EPS8L2: variants seen among roughly 807,000 people sequenced by gnomAD.
The protein encoded by EPS8L2 is epidermal growth factor receptor kinase substrate 8-like protein 2.
In EPS8L2, 81 loss-of-function variants were observed where a neutral mutation model predicts 99.4. That is an observed-to-expected ratio of 0.82 (90% confidence interval 0.68 to 0.98). The LOEUF (loss-of-function observed/expected upper bound fraction) is 0.98. EPS8L2 is among the 50% of genes least tolerant of loss of function. EPS8L2 has a pLI of 0.00. For missense variants in EPS8L2, 1,155 were observed against 968.8 expected (o/e 1.19, Z -2.55); for synonymous variants, 509 against 407.3 (o/e 1.25, Z -3.01).
At position 724,212 on chromosome 11, in the gene EPS8L2, A is replaced by T. The variant is rs1590056644; in HGVS notation, c.1455-512A>T. 6.6e-6 allele frequency among the ~76,000 whole-genome samples: 1 copy of T among 151,742 alleles called. No homozygotes were observed. Among genetic ancestry groups the T allele is most frequent in the African/African-American group, 2.4e-5 (1 of 41,274 alleles). On this transcript the variant is annotated intron_variant, in intron 15 of 20. Transcript: ENST00000318562. The surrounding 1 kb of genome is among the most constrained non-coding windows in gnomAD (Gnocchi z 5.5). Reference sequence around the variant, plus strand: ...AGGCCTGCTACATGCCAAAGCCAGGACCCCTCAGCCAGGGCCAGCCCCCCC... The same window carrying T: ...AGGCCTGCTACATGCCAAAGCCAGGTCCCCTCAGCCAGGGCCAGCCCCCCC...
At chr11:706,495 AGCCCGGCCTGCCCCCGTCGGTCCTGG>A (rs1376715162) in intron 1 of EPS8L2, 2 of 152,370 alleles carry the variant, frequency 1.3e-5, no homozygotes, top group Admixed American at 1.3e-4. Flanking sequence ...GTCCTGCTGC[AGCCCGGCCTGCCCCCGTCGGTCCTGG>A]GCGGCGGCCG....
At chr11:710,127 C>T (rs910853642) in intron 3 of EPS8L2, 12 of 432,648 alleles carry the variant, frequency 2.8e-5, no homozygotes, top group African/African-American at 1.8e-4. Context: ...CCTTCCTGTC[C>T]CCTCACCCTC....
At chr11:708,822 G>A in intron 1 of EPS8L2, 1 of 164,310 alleles carries the variant, frequency 6.1e-6, no homozygotes, top group Non-Finnish European at 1.3e-5. Flanking sequence ...TGGGGTGCAG[G>A]CCTGGGGTGG....
In EPS8L2 at chr11:722,514, G is replaced by T; in HGVS notation, c.1173G>T (p.Leu391=). The T allele has an allele frequency of 6.2e-7, 1 of 1,613,330 alleles. No homozygotes were observed. The highest frequency in any genetic ancestry group is 8.5e-7 in the Non-Finnish European group (1 of 1,179,904). The change falls in exon 13 of 21, where the codon CTG becomes CTT. Residue 391 remains leucine (L), a synonymous_variant. Transcript: ENST00000318562. ...RGHLVPKEMS[L]WESLGESWMR... Reference sequence around the variant, plus strand: ...ACCTGGTCCCTAAGGAGATGTCGCTGTGGGAGTCACTGGGAGAGAGCTGGA... The same window carrying T: ...ACCTGGTCCCTAAGGAGATGTCGCTTTGGGAGTCACTGGGAGAGAGCTGGA...
rs780440827 is a variant in EPS8L2 at position 720,599 on chromosome 11, G to A, written c.330G>A (p.Glu110=). ...GTGTCCGCGCGATGTACCCGCAGGAGGAGCTGGAAGACTTCCCGCTGCCCA... is the reference window on the plus strand; with the variant it reads ...GTGTCCGCGCGATGTACCCGCAGGAAGAGCTGGAAGACTTCCCGCTGCCCA... ...SLRLLDIESQ[E]ELEDFPLPTV... The change falls in exon 6 of 21, where the codon GAG becomes GAA. Residue 110 remains glutamate, a splice_region_variant and synonymous_variant. Coordinates refer to ENST00000318562, the MANE Select transcript of EPS8L2 (RefSeq NM_022772.4). 7 of 1,599,634 alleles carry A rather than the reference G, an allele frequency of 4.4e-6. 1 individual carries two copies. In the South Asian group the frequency reaches 5.6e-5, roughly 13 times the overall value.
rs141487079 is a variant in EPS8L2, at chr11:723,309, C to G, written c.1410C>G (p.Pro470=). The change falls in exon 15 of 21, where the codon CCC becomes CCG. Residue 470 remains proline, a synonymous_variant. Transcript: ENST00000318562. ...QKHSPTSEPT[P]PGDALPPVSS... is the part of the protein sequence containing the mutation. ...ACAGCCCCACTTCAGAGCCCACCCC[C>G]CCGGGGGATGCCCTACCACCAGTCA... 25 of 1,601,100 alleles carry G rather than the reference C, an allele frequency of 1.6e-5. No individual in the cohort carries two copies. Among genetic ancestry groups the G allele is most frequent in the South Asian group, 5.6e-5 (5 of 89,538 alleles).
intron 3 of EPS8L2, chr11:710,207 C>T (rs909985277): frequency 5.5e-5 from 31 of 561,344 alleles, no homozygotes; most frequent in African/African-American, 4.2e-4. Flanking sequence ...TCGCCTTCTC[C>T]GAGCTGCGTC....
chr11:716,095 C>T (rs1241915390), intron 4 of EPS8L2, among the ~76,000 whole-genome samples: 2 of 151,334 alleles, frequency 1.3e-5, no homozygotes, highest in African/African-American at 4.9e-5. Flanking sequence ...GCCTCAGCCT[C>T]CCAAGTAGCT....
In EPS8L2 at chr11:724,448, A is replaced by C; in HGVS notation, c.1455-276A>C. 1 of 476,806 alleles carries C rather than the reference A, an allele frequency of 2.1e-6. No individual in the cohort carries two copies. Among genetic ancestry groups the C allele is most frequent in the Non-Finnish European group, 3.8e-6 (1 of 260,966 alleles). The allele number at this position is 476,806 out of a possible 1,614,324, so 29.5% of individuals were successfully genotyped here. A position where few individuals can be genotyped will look rare whatever the true frequency, so the allele number is the denominator to read the frequency against. ...TGGGGTGCCGGACTGGAGACCCCTG[A>C]GGTGGCCTGGGATGGGCCAGCCTTG... On this transcript the variant is annotated intron_variant, in intron 15 of 20. Coordinates refer to ENST00000318562, the MANE Select transcript of EPS8L2 (RefSeq NM_022772.4). The surrounding 1 kb of genome is among the most constrained non-coding windows in gnomAD (Gnocchi z 5.5).
At chr11:709,199 T>C (rs376122347) in intron 1 of EPS8L2, 131 bp from the exon 2 acceptor site, 68 of 491,958 alleles carry the variant, frequency 1.4e-4, no homozygotes, top group Non-Finnish European at 2.0e-4. Flanking sequence ...CCAACTGGGA[T>C]GTCGGGCAGG....
rs1862355750 is a variant in EPS8L2 at position 727,275 on chromosome 11, G to C, written c.*294G>C. The stretch of plus-strand genomic sequence containing the variant: ...CCTGGGGCTGGGGCCTCTTTCTCTG[G>C]CCTCCCCTGTGCACCTGGGGGGTCC... On this transcript the variant is annotated 3_prime_UTR_variant, in exon 21 of 21. Transcript: ENST00000318562. 6.2e-6 allele frequency: 2 copies of C among 321,124 alleles called. No homozygotes were observed. The highest frequency in any genetic ancestry group is 9.7e-4 in the Middle Eastern group (1 of 1,034). The allele number at this position is 321,124 out of a possible 1,614,324, so 19.9% of individuals were successfully genotyped here. A position where few individuals can be genotyped will look rare whatever the true frequency, so the allele number is the denominator to read the frequency against.
rs201129457 is a variant in EPS8L2 at position 720,609 on chromosome 11, G to A, written c.340G>A (p.Asp114Asn). ...LDIESQEELEDFPLPTVQRSQ... is the reference protein window; with the variant it reads ...LDIESQEELENFPLPTVQRSQ... Reference sequence around the variant, plus strand: ...GATGTACCCGCAGGAGGAGCTGGAAGACTTCCCGCTGCCCACGGTGCAGCG... The same window carrying A: ...GATGTACCCGCAGGAGGAGCTGGAAAACTTCCCGCTGCCCACGGTGCAGCG... Residue 114 changes from aspartate to asparagine, a missense_variant, in exon 6 of 21, where the codon GAC becomes AAC. Physicochemically the swap from Asp to Asn is conservative, Grantham distance 23. Coordinates refer to ENST00000318562, the MANE Select transcript of EPS8L2 (RefSeq NM_022772.4). 6.2e-7 allele frequency: 1 copy of A among 1,600,282 alleles called. No homozygotes were observed. Among genetic ancestry groups the A allele is most frequent in the East Asian group, 2.3e-5 (1 of 44,334 alleles).
intron 5 of EPS8L2, 152 bp from the exon 6 acceptor site, chr11:720,445 G>C (rs1862125853): frequency 1.6e-6 from 2 of 1,276,058 alleles, no homozygotes; most frequent in African/African-American, 1.5e-5. Context: ...ACAGCTGCGG[G>C]GTGTGTCCCG....
intron 7 of EPS8L2, 25 bp from the exon 8 acceptor site, chr11:721,037 GCT>G: frequency 1.3e-6 from 2 of 1,482,194 alleles, no homozygotes; most frequent in Non-Finnish European, 1.8e-6. Context: ...TCCCGGCGGG[GCT>G]GAGCAGGACC....
At chr11:725,913 G>A in intron 17 of EPS8L2, 66 bp downstream of exon 17, 1 of 1,382,754 alleles carries the variant, frequency 7.2e-7, no homozygotes, top group Non-Finnish European at 9.3e-7. Context: ...CCTGCGCCTA[G>A]CCCCGCCCCA....
At chr11:719,211 C>T (rs1232555635) in intron 4 of EPS8L2, among the ~76,000 whole-genome samples, 2 of 152,204 alleles carry the variant, frequency 1.3e-5, no homozygotes, top group East Asian at 1.9e-4. Context: ...AGGTGATCCA[C>T]CCGCCTCGGC....
rs781589122 is a variant in EPS8L2 at position 721,771 on chromosome 11, A to G, written c.895+80A>G. 3 of 1,538,822 alleles carry G rather than the reference A, an allele frequency of 1.9e-6. No homozygotes were observed. In the South Asian group the frequency reaches 3.4e-5, roughly 17 times the overall value. ...AGGGGACAGGGACGGGGACGGGGCC[A>G]GGGACATCCATGGGGGCTACTCATG... On this transcript the variant is annotated intron_variant, in intron 10 of 20. Coordinates refer to ENST00000318562, the MANE Select transcript of EPS8L2 (RefSeq NM_022772.4).
At chr11:717,032 A>G (rs1862043322) in intron 4 of EPS8L2, among the ~76,000 whole-genome samples, 2 of 152,318 alleles carry the variant, frequency 1.3e-5, no homozygotes, top group South Asian at 2.1e-4. Flanking sequence ...GCTGGAATGC[A>G]ATGGCACGAT....
rs570821610 is a variant in EPS8L2, at chr11:711,596, C to T, written c.165+1110C>T. On this transcript the variant is annotated intron_variant, in intron 4 of 20. Transcript: ENST00000318562. ...CTCCTAGGCTCAAGCAATCCTCCCC[C>T]CTCCTAGCCAGGCCTGGTAGTGTGA... is the stretch of plus-strand genomic sequence containing the variant. Among the ~76,000 whole-genome samples, 58 of 152,270 alleles carry T rather than the reference C, an allele frequency of 3.8e-4. 1 individual carries two copies. The highest frequency in any genetic ancestry group is 1.3e-3 in the African/African-American group (56 of 41,550).
Sources: allele counts gnomAD v4.1 joint callset (sites outside exome capture counted in the v4.1 genomes callset), GRCh38; gene constraint gnomAD v4.1.1; non-coding constraint Gnocchi (gnomAD v3.1); transcripts MANE v1.5; gene names NCBI Gene and HGNC (gene_info 2026-07-23, HGNC 2026-07-21).